HMCN2: variants seen among roughly 807,000 people sequenced by gnomAD.
HMCN2 encodes the protein hemicentin-2.
A neutral mutation model predicts 377.5 loss-of-function variants in HMCN2; 325 were observed. The ratio of observed to expected loss-of-function variants is 0.86; its 90% CI spans 0.79 to 0.94. The LOEUF (loss-of-function observed/expected upper bound fraction) is 0.94, where lower values mean the gene tolerates loss of function less well. Ranked by LOEUF, HMCN2 falls within the 40% of genes least tolerant of loss-of-function variation. The pLI is 0.00. For synonymous variants in HMCN2, 2,007 were observed against 2,046.8 expected (o/e 0.98, Z 0.53); for missense variants, 4,543 against 4,725.3 (o/e 0.96, Z 1.13).
In HMCN2 at chr9:130,360,670, A is replaced by T. The variant is rs1329611829; in HGVS notation, c.5950+66A>T. The T allele has an allele frequency of 9.6e-7, 1 of 1,040,300 alleles. No homozygotes were observed. The highest frequency in any genetic ancestry group is 6.4e-5 in the East Asian group (1 of 15,730). The allele number at this position is 1,040,300 out of a possible 1,614,324, so 64.4% of individuals were successfully genotyped here. A position where few individuals can be genotyped will look rare whatever the true frequency, so the allele number is the denominator to read the frequency against. The stretch of plus-strand genomic sequence containing the variant: ...TTGTCTTTTCATTCATTTGTCTATT[A>T]GTCTGTCCATCCACCTGTCCACTCA... On this transcript the variant is annotated intron_variant, in intron 38 of 97. Transcript: ENST00000683500. This position sits in a 1 kb window ranked among gnomAD's most constrained non-coding sequence, Gnocchi z 4.7.
rs1842448409 is a variant in HMCN2 at position 130,393,701 on chromosome 9, T to G, written c.10235-41T>G. On this transcript the variant is annotated intron_variant, in intron 67 of 97. Coordinates refer to ENST00000683500, the MANE Select transcript of HMCN2 (RefSeq NM_001291815.2). This position sits in a 1 kb window ranked among gnomAD's most constrained non-coding sequence, Gnocchi z 5.2. The stretch of plus-strand genomic sequence containing the variant: ...AGCTGAGTACTGGAGATGAGAGTCC[T>G]GGAATAAAATGGTTCCTGCCCACCT... 1 of 1,205,430 alleles carries G rather than the reference T, an allele frequency of 8.3e-7. No individual in the cohort carries two copies. Among genetic ancestry groups the G allele is most frequent in the Non-Finnish European group, 1.1e-6 (1 of 949,116 alleles). The allele number at this position is 1,205,430 out of a possible 1,614,324, so 74.7% of individuals were successfully genotyped here.
At position 130,353,064 on chromosome 9, in the gene HMCN2, A is replaced by C. The variant is rs1454606878; in HGVS notation, c.4723A>C (p.Thr1575Pro). The C allele has an allele frequency of 2.3e-6, 3 of 1,304,186 alleles. No individual in the cohort carries two copies. The highest frequency in any genetic ancestry group is 1.5e-5 in the African/African-American group (1 of 65,978). The allele number at this position is 1,304,186 out of a possible 1,614,324, so 80.8% of individuals were successfully genotyped here. Residue 1575 changes from threonine (T) to proline (P), a missense_variant, in exon 31 of 98, where the codon ACC becomes CCC. Physicochemically the swap from Thr to Pro is conservative, Grantham distance 38. Transcript: ENST00000683500. ...GTTCAAGGACGGGGCCCTGCTCCCC[A>C]CCAGCACCAAGGTGGTCTACACTAG... ...TWFKDGALLP[T>P]STKVVYTRGG...
chr9:130,395,018 C>A lies in HMCN2; in HGVS notation c.10693-9C>A. 7.8e-7 allele frequency: 1 copy of A among 1,282,924 alleles called. No individual in the cohort carries two copies. The highest frequency in any genetic ancestry group is 1.2e-5 in the South Asian group (1 of 80,554). 79.5% of individuals were successfully genotyped at this position (1,282,924 alleles called of 1,614,324 possible). ...CCAGGGGCAGCTGCTCAACCCGCTC[C>A]ATCCCCAGGTTAGGGATGCTGGGCT... On this transcript the variant is annotated splice_polypyrimidine_tract_variant and intron_variant, in intron 69 of 97. Transcript: ENST00000683500.
intron 55 of HMCN2, among the ~76,000 whole-genome samples, 158 bp downstream of exon 55, chr9:130,382,455 C>T (rs995118523): frequency 1.2e-4 from 18 of 152,278 alleles, no homozygotes; most frequent in Non-Finnish European, 2.2e-4. Context: ...CAGGACTGGG[C>T]GCAGGTTCCA....
At chr9:130,415,497 G>A (rs1843636567) in intron 85 of HMCN2, among the ~76,000 whole-genome samples, 1 of 152,132 alleles carries the variant, frequency 6.6e-6, no homozygotes, top group South Asian at 2.1e-4. Context: ...ATACCACCAT[G>A]CCCGGCTACT....
rs1490563695 is a variant in HMCN2 at position 130,265,789 on chromosome 9, A to G, written c.-90A>G. 4 of 271,902 alleles carry G rather than the reference A, an allele frequency of 1.5e-5. No homozygotes were observed. The highest frequency in any genetic ancestry group is 2.9e-5 in the Non-Finnish European group (4 of 139,938). 16.8% of individuals were successfully genotyped at this position (271,902 alleles called of 1,614,324 possible). A position where few individuals can be genotyped will look rare whatever the true frequency, so the allele number is the denominator to read the frequency against. Reference sequence around the variant, plus strand: ...TGGCCGCGGCCCGACGGAGCAAGGCACTGCCTGCAGCCGCCGTGTGCACCG... The same window carrying G: ...TGGCCGCGGCCCGACGGAGCAAGGCGCTGCCTGCAGCCGCCGTGTGCACCG... On this transcript the variant is annotated 5_prime_UTR_variant, in exon 1 of 98. Transcript: ENST00000683500.
At chr9:130,287,258 G>C (rs1835465237) in intron 4 of HMCN2, among the ~76,000 whole-genome samples, 1 of 151,930 alleles carries the variant, frequency 6.6e-6, no homozygotes, top group African/African-American at 2.4e-5. Context: ...GGTCCCCCTG[G>C]TATCCCCTTG....
rs79061649 is a variant in HMCN2 at position 130,432,659 on chromosome 9, T to G, written c.14894+104T>G. ...TCATTGTCACTCCCCACACAAGTGA[T>G]GCAGGCAGGAACGCACGGAGCCCTG... On this transcript the variant is annotated intron_variant, in intron 97 of 97. Transcript: ENST00000683500. 5,386 of 1,287,406 alleles carry G rather than the reference T, an allele frequency of 4.2e-3. 181 individuals are homozygous for G. The African/African-American group carries it at 0.068, about 16-fold the overall frequency. The allele number at this position is 1,287,406 out of a possible 1,614,324, so 79.7% of individuals were successfully genotyped here.
intron 66 of HMCN2, among the ~76,000 whole-genome samples, chr9:130,392,800 T>A (rs566594345): frequency 1.4e-4 from 21 of 151,934 alleles, no homozygotes; most frequent in Non-Finnish European, 2.1e-4. Flanking sequence ...ATCAAGACCA[T>A]CCTGGCTAAC....
At position 130,360,154 on chromosome 9, in the gene HMCN2, C is replaced by T. The variant is rs963846953; in HGVS notation, c.5774-274C>T. ...TGGTCCTGTCTTGGGCAACATTGCC[C>T]GGTTCCATCCCGGTTCCCTTTCCTG... On this transcript the variant is annotated intron_variant, in intron 37 of 97. Transcript: ENST00000683500. This position sits in a 1 kb window ranked among gnomAD's most constrained non-coding sequence, Gnocchi z 4.7. 1.3e-5 allele frequency among the ~76,000 whole-genome samples: 2 copies of T among 152,128 alleles called. No homozygotes were observed. The highest frequency in any genetic ancestry group is 4.8e-5 in the African/African-American group (2 of 41,414).
At position 130,307,538 on chromosome 9, in the gene HMCN2, TC is replaced by T. The variant is rs1836945875; in HGVS notation, c.2177del (p.Pro726ArgfsTer13). 1 of 471,044 alleles carries T rather than the reference TC, an allele frequency of 2.1e-6. No individual in the cohort carries two copies. The highest frequency in any genetic ancestry group is 4.4e-6 in the Non-Finnish European group (1 of 227,010). The allele number at this position is 471,044 out of a possible 1,614,324, so 29.2% of individuals were successfully genotyped here. A position where few individuals can be genotyped will look rare whatever the true frequency, so the allele number is the denominator to read the frequency against. Reference sequence around the variant, plus strand: ...TGTTGGTGTGTGAGGCATCTGGGGTTCCCCCGCCCCGAGTCATCTGGTATCG... The same window carrying T: ...TGTTGGTGTGTGAGGCATCTGGGGTTCCCCGCCCCGAGTCATCTGGTATCG... ...AVLVCEASGV[P>X]PPRVIWYRGG... is the part of the protein sequence containing the mutation. On this transcript the variant is annotated frameshift_variant, in exon 14 of 98. Coordinates refer to ENST00000683500, the MANE Select transcript of HMCN2 (RefSeq NM_001291815.2). LOFTEE classifies it high-confidence loss of function.
At chr9:130,387,567 T>C (rs1842092408) in intron 61 of HMCN2, among the ~76,000 whole-genome samples, 1 of 152,190 alleles carries the variant, frequency 6.6e-6, no homozygotes, top group South Asian at 2.1e-4. Context: ...TGTATTCCAT[T>C]AGTGAGCGCT....
chr9:130,383,447 GT>G (rs1442950841), intron 56 of HMCN2, 56 bp from the exon 57 acceptor site: 271 of 763,094 alleles, frequency 3.6e-4, no homozygotes, highest in South Asian at 3.0e-3. Context: ...ATTCCTGGGG[GT>G]GGTGGTGTCC....
At chr9:130,327,995 C>A (rs1289396898) in intron 22 of HMCN2, among the ~76,000 whole-genome samples, 2 of 152,192 alleles carry the variant, frequency 1.3e-5, no homozygotes, top group South Asian at 4.1e-4. Flanking sequence ...CCACGCCGTA[C>A]CCCCCAGGAG....
At chr9:130,345,107 G>A (rs1839298900) in intron 25 of HMCN2, among the ~76,000 whole-genome samples, 2 of 148,318 alleles carry the variant, frequency 1.3e-5, no homozygotes, top group Admixed American at 1.3e-4. Flanking sequence ...GTGGTGTGTG[G>A]TATGTATTGT....
chr9:130,280,173 T>A (rs1203762915), intron 1 of HMCN2, among the ~76,000 whole-genome samples: 2 of 149,676 alleles, frequency 1.3e-5, no homozygotes, highest in Non-Finnish European at 3.0e-5. Flanking sequence ...TTTTGGTTTT[T>A]TTTTTTGAGA....
rs563749759 is a variant in HMCN2, at chr9:130,395,929, C to T, written c.10917C>T (p.Asp3639=). The T allele has an allele frequency of 1.8e-4, 238 of 1,286,822 alleles. No homozygotes were observed. The African/African-American group carries it at 2.7e-3, about 14-fold the overall frequency. The allele number at this position is 1,286,822 out of a possible 1,614,324, so 79.7% of individuals were successfully genotyped here. ...WHRDGIVLQE[D]AHTQFPERGR... ...ACCCTGGCGGGGCTCTCCAGGAGGA[C>T]GCCCACACACAATTCCCGGAGCGGG... The change falls in exon 72 of 98, where the codon GAC becomes GAT. Residue 3639 remains aspartate, a synonymous_variant. Transcript: ENST00000683500.
Position 130,351,444 on chromosome 9 carries a change from T to A in HMCN2, c.4452T>A (p.Pro1484=). The change falls in exon 30 of 98, where the codon CCT becomes CCA. Residue 1484 remains proline (P), a synonymous_variant. Transcript: ENST00000683500. The surrounding 1 kb of genome is among the most constrained non-coding windows in gnomAD (Gnocchi z 5.4). ...CCAGGCCTGTCCTTCCGGGAGGCCCTCACCTGCAGGTCCAGGAGGATGGCC... is the reference window on the plus strand; with the variant it reads ...CCAGGCCTGTCCTTCCGGGAGGCCCACACCTGCAGGTCCAGGAGGATGGCC... ...KDRQPVLPGG[P]HLQVQEDGQV... 1 of 1,304,170 alleles carries A rather than the reference T, an allele frequency of 7.7e-7. No homozygotes were observed. The highest frequency in any genetic ancestry group is 1.0e-6 in the Non-Finnish European group (1 of 988,892). The allele number at this position is 1,304,170 out of a possible 1,614,324, so 80.8% of individuals were successfully genotyped here. A position where few individuals can be genotyped will look rare whatever the true frequency, so the allele number is the denominator to read the frequency against.
At chr9:130,383,092 G>A (rs577215066) in intron 56 of HMCN2, among the ~76,000 whole-genome samples, 23 of 152,312 alleles carry the variant, frequency 1.5e-4, no homozygotes, top group Non-Finnish European at 2.9e-4. Context: ...ACATGGGTGC[G>A]GGACCCAGAG....
Sources: gnomAD v4.1 joint callset for allele counts (sites outside exome capture counted in the v4.1 genomes callset) on GRCh38, gnomAD v4.1.1 for gene constraint, Gnocchi (gnomAD v3.1) non-coding constraint, MANE v1.5 for transcripts, NCBI Gene and HGNC (gene_info 2026-07-23, HGNC 2026-07-21) for gene names.